Variants in CADM2 observed in about 807,000 individuals in gnomAD.
CADM2 encodes cell adhesion molecule 2.
A neutral mutation model predicts 49.8 loss-of-function variants in CADM2; 12 were observed. That is an observed-to-expected ratio of 0.24 (90% CI 0.15 to 0.39). The LOEUF (loss-of-function observed/expected upper bound fraction) is 0.39. Among genes scored for constraint, CADM2 ranks in the 10% least tolerant of loss-of-function variants. The probability of loss-of-function intolerance (pLI) is 1.00; values close to 1 mark genes in which losing one functional copy is unlikely to be tolerated. For synonymous variants in CADM2, 214 were observed against 175.4 expected (o/e 1.22, Z -1.74); for missense variants, 378 against 492.3 (o/e 0.77, Z 2.20).
At chr3:85,130,813 T>G (rs2039202882) in intron 1 of CADM2, among the ~76,000 whole-genome samples, 1 of 152,220 alleles carries the variant, frequency 6.6e-6, no homozygotes, top group African/African-American at 2.4e-5. Context: ...ATATAAACTC[T>G]TATACGTAGC....
rs527963791 is a variant in CADM2 at position 85,732,428 on chromosome 3, T to G, written c.88+5880T>G. ...GGGCGTTAGACATATAGAAGGGAATTTAAAAGCATATTGTATTTCTGTAAC... is the reference window on the plus strand; with the variant it reads ...GGGCGTTAGACATATAGAAGGGAATGTAAAAGCATATTGTATTTCTGTAAC... On this transcript the variant is annotated intron_variant, in intron 2 of 9. Coordinates refer to ENST00000383699, the MANE Select transcript of CADM2 (RefSeq NM_001167675.2). Among the ~76,000 whole-genome samples the G allele has an allele frequency of 2.0e-5, 3 of 152,256 alleles. No individual in the cohort carries two copies. In the South Asian group the frequency reaches 6.2e-4, roughly 32 times the overall value.
chr3:85,068,725 A>G (rs1427324885), intron 1 of CADM2, among the ~76,000 whole-genome samples: 1 of 152,142 alleles, frequency 6.6e-6, no homozygotes, highest in South Asian at 2.1e-4. Context: ...GATACAGAAT[A>G]CATATTTAAA....
At chr3:85,761,256 T>G (rs905029565) in intron 2 of CADM2, among the ~76,000 whole-genome samples, 1 of 152,156 alleles carries the variant, frequency 6.6e-6, no homozygotes, top group African/African-American at 2.4e-5. Flanking sequence ...AGGTTTCCAT[T>G]TTTAAAAGTA....
intron 2 of CADM2, among the ~76,000 whole-genome samples, chr3:85,780,451 C>G (rs2070578531): frequency 1.3e-5 from 2 of 152,178 alleles, no homozygotes; most frequent in Admixed American, 1.3e-4. Flanking sequence ...TTGATACTAA[C>G]TTATATGTCA....
intron 1 of CADM2, among the ~76,000 whole-genome samples, chr3:85,530,384 G>A (rs2061276910): frequency 7.2e-6 from 1 of 139,808 alleles, no homozygotes; most frequent in Admixed American, 7.5e-5. Flanking sequence ...AGGCTGGAGT[G>A]CAGTGGCGCG....
intron 1 of CADM2, among the ~76,000 whole-genome samples, chr3:85,282,026 TA>T (rs2043512168): frequency 6.6e-6 from 1 of 152,122 alleles, no homozygotes; most frequent in African/African-American, 2.4e-5. Flanking sequence ...AGCCATCTTA[TA>T]TTAAACTACA....
chr3:85,327,181 A>G (rs1384941354), intron 1 of CADM2, among the ~76,000 whole-genome samples: 5 of 152,144 alleles, frequency 3.3e-5, no homozygotes, highest in Non-Finnish European at 7.3e-5. Flanking sequence ...TCTAAAATAC[A>G]AAGGGAGAAT....
chr3:85,490,857 A>C (rs1403117548), intron 1 of CADM2, among the ~76,000 whole-genome samples: 2 of 152,160 alleles, frequency 1.3e-5, no homozygotes, highest in African/African-American at 4.8e-5. Flanking sequence ...GTAAAAAAAA[A>C]AAAGTAGTAC....
intron 1 of CADM2, among the ~76,000 whole-genome samples, chr3:85,564,593 A>G (rs539487260): frequency 3.3e-4 from 51 of 152,258 alleles, no homozygotes; most frequent in African/African-American, 1.2e-3. Context: ...TTTATGTTCT[A>G]GGCATAAAAT....
At chr3:85,901,105 A>C (rs1185394566) in intron 5 of CADM2, among the ~76,000 whole-genome samples, 1 of 152,188 alleles carries the variant, frequency 6.6e-6, no homozygotes, top group African/African-American at 2.4e-5. Flanking sequence ...GCTAAAGCAG[A>C]ATTGCTTAAA....
chr3:86,015,080 A>C, intron 8 of CADM2: 1 of 628,262 alleles, frequency 1.6e-6, no homozygotes, highest in Non-Finnish European at 2.8e-6. Context: ...CAAGTAAGTC[A>C]GAGCTTCCCA....
At chr3:85,839,435 C>A (rs1364017990) in intron 3 of CADM2, among the ~76,000 whole-genome samples, 1 of 151,760 alleles carries the variant, frequency 6.6e-6, no homozygotes, top group African/African-American at 2.4e-5. Context: ...AAAGGCTAAT[C>A]ACACATAATA....
At chr3:85,788,042 A>T (rs1378363606) in intron 2 of CADM2, among the ~76,000 whole-genome samples, 2 of 152,080 alleles carry the variant, frequency 1.3e-5, no homozygotes, top group Non-Finnish European at 2.9e-5. Flanking sequence ...TCGCCATTTA[A>T]CTAAGTCTTT....
At chr3:85,535,536 CT>C (rs74384786) in intron 1 of CADM2, among the ~76,000 whole-genome samples, 77,884 of 151,950 alleles carry the variant, frequency 0.51, 23,048 homozygotes, top group East Asian at 0.85. Context: ...TTGCAAGTAT[CT>C]TTTTTGTGGC....
At chr3:85,945,872 A>T (rs1400541213) in intron 7 of CADM2, among the ~76,000 whole-genome samples, 1 of 152,110 alleles carries the variant, frequency 6.6e-6, no homozygotes, top group Non-Finnish European at 1.5e-5. Context: ...CTGGCACAAG[A>T]CAGGGATGCC....
intron 2 of CADM2, among the ~76,000 whole-genome samples, chr3:85,777,276 G>T (rs1301639292): frequency 8.2e-6 from 1 of 122,574 alleles, no homozygotes. Flanking sequence ...ATTATTTTGA[G>T]GTGGAATCTC....
chr3:85,285,677 T>A (rs2043617366), intron 1 of CADM2, among the ~76,000 whole-genome samples: 1 of 152,006 alleles, frequency 6.6e-6, no homozygotes, highest in Admixed American at 6.6e-5. Flanking sequence ...AGAATTTAAG[T>A]AGCAAATAAT....
intron 1 of CADM2, among the ~76,000 whole-genome samples, chr3:85,452,740 T>A (rs2037808343): frequency 6.6e-6 from 1 of 152,186 alleles, no homozygotes; most frequent in South Asian, 2.1e-4. Context: ...TTTTGGAAGT[T>A]GTCTTGCGGT....
chr3:85,449,558 G>T (rs2037654414), intron 1 of CADM2, among the ~76,000 whole-genome samples: 1 of 125,458 alleles, frequency 8.0e-6, no homozygotes, highest in Non-Finnish European at 1.8e-5. Context: ...TGAAATATAA[G>T]GTTTTTTTTT....
Sources: gnomAD v4.1 joint callset for allele counts (sites outside exome capture counted in the v4.1 genomes callset) on GRCh38, gnomAD v4.1.1 for gene constraint, MANE v1.5 for transcripts, NCBI Gene and HGNC (gene_info 2026-07-23, HGNC 2026-07-21) for gene names.